RBMS3: variants seen among roughly 807,000 people sequenced by gnomAD.
The protein encoded by RBMS3 is RNA-binding motif, single-stranded-interacting protein 3.
A neutral mutation model predicts 66.8 loss-of-function variants in RBMS3; 27 were observed. The ratio of observed to expected loss-of-function variants is 0.40; its 90% CI spans 0.30 to 0.56. The LOEUF is 0.56. RBMS3 is among the 20% of genes least tolerant of loss of function. RBMS3 has a pLI of 0.40. For synonymous variants in RBMS3, 188 were observed against 183.0 expected, an observed-to-expected ratio of 1.03 and a Z score of -0.22; for missense variants, 513 against 549.5, an observed-to-expected ratio of 0.93 and a Z score of 0.66.
At chr3:29,806,127 T>C (rs1275916104) in intron 6 of RBMS3, among the ~76,000 whole-genome samples, 1 of 152,032 alleles carries the variant, frequency 6.6e-6, no homozygotes, top group Non-Finnish European at 1.5e-5. Flanking sequence ...AAAACCTATT[T>C]GATGCATGAA....
intron 6 of RBMS3, among the ~76,000 whole-genome samples, chr3:29,802,790 T>G (rs142493526): frequency 1.7e-3 from 264 of 152,266 alleles, no homozygotes; most frequent in African/African-American, 6.1e-3. Flanking sequence ...TAGGGCAGTC[T>G]GATATAAATG....
chr3:29,734,484 T>G (rs1576648280), intron 4 of RBMS3, among the ~76,000 whole-genome samples: 1 of 152,238 alleles, frequency 6.6e-6, no homozygotes, highest in East Asian at 1.9e-4. Flanking sequence ...ACACTTGTAT[T>G]CATATATCAA....
chr3:29,497,209 C>G (rs988280533), intron 3 of RBMS3, among the ~76,000 whole-genome samples: 54 of 152,152 alleles, frequency 3.5e-4, no homozygotes, highest in African/African-American at 1.2e-3. Flanking sequence ...CGGGGTTTCA[C>G]TGTATTAGCC....
intron 10 of RBMS3, among the ~76,000 whole-genome samples, chr3:29,918,784 T>G (rs1426058568): frequency 1.3e-5 from 2 of 152,130 alleles, no homozygotes; most frequent in Non-Finnish European, 2.9e-5. Flanking sequence ...TATAATTAAT[T>G]TTGAGCATTA....
intron 5 of RBMS3, among the ~76,000 whole-genome samples, chr3:29,760,558 A>G (rs2055634216): frequency 6.6e-6 from 1 of 151,948 alleles, no homozygotes; most frequent in African/African-American, 2.4e-5. Flanking sequence ...CTCTGCTAGG[A>G]GAGAAGGTTA....
intron 6 of RBMS3, among the ~76,000 whole-genome samples, chr3:29,816,606 C>G (rs2057911664): frequency 6.6e-6 from 1 of 152,084 alleles, no homozygotes; most frequent in Admixed American, 6.6e-5. Flanking sequence ...ATCAAAGGTT[C>G]TTCTGGTGCT....
chr3:29,328,670 T>G (rs1201754094), intron 1 of RBMS3, among the ~76,000 whole-genome samples: 3 of 152,206 alleles, frequency 2.0e-5, no homozygotes, highest in Non-Finnish European at 4.4e-5. Flanking sequence ...TTCCTTCTAA[T>G]GAGAGCTCAG....
intron 1 of RBMS3, among the ~76,000 whole-genome samples, chr3:29,385,251 A>G (rs1026998550): frequency 1.3e-5 from 2 of 152,138 alleles, no homozygotes; most frequent in East Asian, 3.9e-4. Context: ...TTTAATGCCC[A>G]GCAGACCTTC....
chr3:29,727,369 A>T (rs754731648), intron 4 of RBMS3, among the ~76,000 whole-genome samples: 1 of 152,322 alleles, frequency 6.6e-6, no homozygotes, highest in Non-Finnish European at 1.5e-5. Context: ...GACAGATTGG[A>T]TCAAATCAAA....
intron 2 of RBMS3, among the ~76,000 whole-genome samples, chr3:29,444,368 A>G (rs78485613): frequency 6.6e-6 from 1 of 151,958 alleles, no homozygotes; most frequent in Non-Finnish European, 1.5e-5. Flanking sequence ...CTTTAAATTA[A>G]TAAGTTTTGT....
At chr3:29,310,442 G>A (rs1000863962) in intron 1 of RBMS3, among the ~76,000 whole-genome samples, 8 of 151,538 alleles carry the variant, frequency 5.3e-5, no homozygotes, top group Admixed American at 5.3e-4. Context: ...TACATGTATG[G>A]TAGAATTGGA....
intron 5 of RBMS3, among the ~76,000 whole-genome samples, chr3:29,753,144 T>A (rs930568587): frequency 5.3e-5 from 8 of 152,216 alleles, no homozygotes; most frequent in Non-Finnish European, 8.8e-5. Flanking sequence ...ATTGATTAGA[T>A]TACTAACCTC....
intron 4 of RBMS3, among the ~76,000 whole-genome samples, chr3:29,724,725 TA>T: frequency 6.6e-6 from 1 of 152,324 alleles, no homozygotes; most frequent in East Asian, 1.9e-4. Flanking sequence ...AGACACCGTT[TA>T]AAAATAATTT....
intron 6 of RBMS3, among the ~76,000 whole-genome samples, chr3:29,829,841 G>A (rs1282874629): frequency 6.6e-6 from 1 of 152,118 alleles, no homozygotes; most frequent in African/African-American, 2.4e-5. Flanking sequence ...CCTCTGCTAA[G>A]AGGAATTATC....
chr3:29,835,678 A>C (rs1408818421), intron 6 of RBMS3, among the ~76,000 whole-genome samples: 2 of 151,934 alleles, frequency 1.3e-5, no homozygotes, highest in Non-Finnish European at 2.9e-5. Context: ...AAAAACAAAG[A>C]GACATCTCAA....
chr3:29,584,316 C>A (rs1019652039), intron 3 of RBMS3, among the ~76,000 whole-genome samples: 2 of 152,064 alleles, frequency 1.3e-5, no homozygotes, highest in Non-Finnish European at 2.9e-5. Context: ...GTCTTTTCTT[C>A]TTATGTAATG....
intron 4 of RBMS3, among the ~76,000 whole-genome samples, chr3:29,598,935 G>A (rs1176003721): frequency 6.6e-6 from 1 of 151,960 alleles, no homozygotes; most frequent in Admixed American, 6.6e-5. Flanking sequence ...GGAGCAAAGA[G>A]AACTAAGTGA....
chr3:29,355,415 A>G (rs2037162675), intron 1 of RBMS3, among the ~76,000 whole-genome samples: 1 of 152,172 alleles, frequency 6.6e-6, no homozygotes. Flanking sequence ...CATCTGGCTT[A>G]CTGCTTAGTT....
intron 1 of RBMS3, among the ~76,000 whole-genome samples, chr3:29,407,105 C>T (rs2040052811): frequency 6.6e-6 from 1 of 152,176 alleles, no homozygotes; most frequent in African/African-American, 2.4e-5. Context: ...AATGTACATT[C>T]CAATGCAGTT....
Sources: gnomAD v4.1 joint callset for allele counts (sites outside exome capture counted in the v4.1 genomes callset) on GRCh38, gnomAD v4.1.1 for gene constraint, MANE v1.5 for transcripts, NCBI Gene and HGNC (gene_info 2026-07-23, HGNC 2026-07-21) for gene names.